Variants in EDIL3 observed in about 807,000 individuals in gnomAD.
EDIL3 encodes the protein EGF like and discoidin domains 3.
A neutral mutation model predicts 67.4 loss-of-function variants in EDIL3; 37 were observed. The observed-to-expected ratio is 0.55, with a 90% CI of 0.42 to 0.72. The LOEUF (loss-of-function observed/expected upper bound fraction) is 0.72. Ranked by LOEUF, EDIL3 falls within the 30% of genes least tolerant of loss-of-function variation. The pLI is 0.00. For synonymous variants in EDIL3, 195 were observed against 196.3 expected (o/e 0.99, Z 0.05); for missense variants, 527 against 586.3 (o/e 0.90, Z 1.04).
chr5:84,151,264 TACACACAC>T (rs201338208), intron 4 of EDIL3, among the ~76,000 whole-genome samples: 2 of 129,558 alleles, frequency 1.5e-5, no homozygotes, highest in Admixed American at 7.6e-5. Context: ...CACACGCACA[TACACACAC>T]ACACACACAC....
At chr5:84,352,850 TA>T (rs1346564666) in intron 1 of EDIL3, among the ~76,000 whole-genome samples, 1 of 152,050 alleles carries the variant, frequency 6.6e-6, no homozygotes, top group Non-Finnish European at 1.5e-5. Flanking sequence ...CAAAAAATAA[TA>T]AAAATGAAAT....
intron 10 of EDIL3, among the ~76,000 whole-genome samples, chr5:83,953,522 A>G (rs188235420): frequency 6.2e-4 from 94 of 151,882 alleles, no homozygotes; most frequent in African/African-American, 2.1e-3. Flanking sequence ...AAGTTATATT[A>G]TTTTCACTCA....
intron 2 of EDIL3, among the ~76,000 whole-genome samples, chr5:84,240,407 G>C (rs535634988): frequency 6.6e-6 from 1 of 152,134 alleles, no homozygotes; most frequent in Non-Finnish European, 1.5e-5. Context: ...TTGGTTCAAG[G>C]AGATGAATAG....
rs1384686425 is a variant in EDIL3 at position 84,257,331 on chromosome 5, T to A, written c.68-3119A>T. ...CTATCTGCTCAAGTCTCATTATATC[T>A]TAGAGATGCCAACTGTTGTTTAACT... On this transcript the variant is annotated intron_variant, in intron 1 of 10. Coordinates refer to ENST00000296591, the MANE Select transcript of EDIL3 (RefSeq NM_005711.5). Among the ~76,000 whole-genome samples, 5 of 152,218 alleles carry A rather than the reference T, an allele frequency of 3.3e-5. No homozygotes were observed. The South Asian group carries it at 6.2e-4, about 19-fold the overall frequency.
intron 1 of EDIL3, among the ~76,000 whole-genome samples, chr5:84,311,963 C>T (rs950309678): frequency 1.6e-4 from 25 of 152,204 alleles, no homozygotes; most frequent in Admixed American, 1.2e-3. Flanking sequence ...CTACCTCTTT[C>T]TACACAGACA....
At chr5:83,962,550 A>C (rs956551441) in intron 10 of EDIL3, among the ~76,000 whole-genome samples, 1 of 151,724 alleles carries the variant, frequency 6.6e-6, no homozygotes, top group African/African-American at 2.4e-5. Context: ...ATTGTATGGC[A>C]TTGATTTGTA....
At chr5:84,260,239 G>A (rs1224619264) in intron 1 of EDIL3, among the ~76,000 whole-genome samples, 1 of 152,176 alleles carries the variant, frequency 6.6e-6, no homozygotes. Flanking sequence ...ATTTATGACA[G>A]ACAGTGAAGC....
In EDIL3 at chr5:83,956,072, G is replaced by A. The variant is rs1464054603; in HGVS notation, c.1293+7133C>T. Among the ~76,000 whole-genome samples, 3 of 151,724 alleles carry A rather than the reference G, an allele frequency of 2.0e-5. No homozygotes were observed. The East Asian group carries it at 5.8e-4, about 30-fold the overall frequency. ...TTCTGGTTGTTCCTGTGGCTAATGA[G>A]TCACTCTGGTTTGTCTTTCATTTCC... is the stretch of plus-strand genomic sequence containing the variant. On this transcript the variant is annotated intron_variant, in intron 10 of 10. Transcript: ENST00000296591.
chr5:84,308,141 G>A (rs1323269619), intron 1 of EDIL3, among the ~76,000 whole-genome samples: 1 of 152,184 alleles, frequency 6.6e-6, no homozygotes, highest in African/African-American at 2.4e-5. Flanking sequence ...ACATAGGAAA[G>A]AAGAGAAGAG....
At chr5:84,142,826 C>CA (rs946990341) in intron 4 of EDIL3, among the ~76,000 whole-genome samples, 6 of 147,230 alleles carry the variant, frequency 4.1e-5, no homozygotes, top group South Asian at 4.7e-4. Flanking sequence ...GGTGCCCCCC[C>CA]CCCCAAGCTT....
intron 1 of EDIL3, among the ~76,000 whole-genome samples, chr5:84,292,095 A>C (rs1341330752): frequency 6.6e-6 from 1 of 152,072 alleles, no homozygotes; most frequent in Non-Finnish European, 1.5e-5. Context: ...AAGTTAAATA[A>C]AATTACAATT....
chr5:84,362,172 G>T (rs1051833881), intron 1 of EDIL3, among the ~76,000 whole-genome samples: 1 of 152,050 alleles, frequency 6.6e-6, no homozygotes, highest in Non-Finnish European at 1.5e-5. Flanking sequence ...AAATTTAAAA[G>T]ATGTAACAGC....
chr5:84,239,710 T>C (rs1398789510), intron 2 of EDIL3, among the ~76,000 whole-genome samples: 2 of 152,182 alleles, frequency 1.3e-5, no homozygotes, highest in African/African-American at 4.8e-5. Flanking sequence ...ATGCAAACAA[T>C]GTCAAAGGTA....
intron 9 of EDIL3, among the ~76,000 whole-genome samples, chr5:83,980,062 A>G (rs912258569): frequency 1.3e-5 from 2 of 152,114 alleles, no homozygotes; most frequent in Non-Finnish European, 2.9e-5. Context: ...TCAATGCACA[A>G]TGAAACTCTT....
chr5:84,350,481 G>A (rs1242391915), intron 1 of EDIL3, among the ~76,000 whole-genome samples: 1 of 151,850 alleles, frequency 6.6e-6, no homozygotes, highest in African/African-American at 2.4e-5. Flanking sequence ...ACAATCATAT[G>A]CATATAACTA....
chr5:84,037,663 T>C (rs1236881478), intron 9 of EDIL3, among the ~76,000 whole-genome samples: 5 of 152,196 alleles, frequency 3.3e-5, no homozygotes, highest in Non-Finnish European at 5.9e-5. Context: ...TTAATGACGT[T>C]ATTTATAAGC....
chr5:84,036,138 T>C (rs970736043), intron 9 of EDIL3, among the ~76,000 whole-genome samples: 4 of 152,174 alleles, frequency 2.6e-5, no homozygotes, highest in African/African-American at 9.7e-5. Flanking sequence ...CCCTCCTGAG[T>C]AACCTGAATG....
intron 5 of EDIL3, among the ~76,000 whole-genome samples, chr5:84,114,340 A>T (rs1747627056): frequency 6.6e-6 from 1 of 152,050 alleles, no homozygotes; most frequent in Admixed American, 6.6e-5. Context: ...ATTCCAGTTC[A>T]GGTGTAGGAG....
chr5:84,334,067 AT>A (rs5869222), intron 1 of EDIL3, among the ~76,000 whole-genome samples: 67,595 of 141,874 alleles, frequency 0.48, 15,731 homozygotes, highest in Middle Eastern at 0.54. Context: ...GGAAGAGTTG[AT>A]TTTTTTTTTT....
Sources: gnomAD v4.1 joint callset for allele counts (sites outside exome capture counted in the v4.1 genomes callset) on GRCh38, gnomAD v4.1.1 for gene constraint, MANE v1.5 for transcripts, NCBI Gene and HGNC (gene_info 2026-07-23, HGNC 2026-07-21) for gene names.